The following TMCC3 variants were observed in gnomAD, a reference collection of about 807,000 sequenced individuals.
The protein encoded by TMCC3 is transmembrane and coiled-coil domain family 3, also known as transmembrane and coiled-coil domain protein 3.
A neutral mutation model predicts 40.2 loss-of-function variants in TMCC3; 28 were observed. That is an observed-to-expected ratio of 0.70 (90% CI 0.52 to 0.95). The LOEUF (loss-of-function observed/expected upper bound fraction) is 0.95, where lower values mean the gene tolerates loss of function less well. Among genes scored for constraint, TMCC3 ranks in the 40% least tolerant of loss-of-function variants. TMCC3 has a pLI of 0.00. For synonymous variants in TMCC3, 255 were observed against 248.5 expected (o/e 1.03, Z -0.25); for missense variants, 554 against 615.2 (o/e 0.90, Z 1.05).
At chr12:94,584,322 C>T (rs1238737804) in intron 1 of TMCC3, among the ~76,000 whole-genome samples, 1 of 152,152 alleles carries the variant, frequency 6.6e-6, no homozygotes, top group African/African-American at 2.4e-5. Flanking sequence ...GTGGGAAGTG[C>T]CTGCTCCCGC....
chr12:94,569,741 A>G lies in TMCC3; in HGVS notation c.*1694T>C, dbSNP rs2068515647. The G allele has an allele frequency of 6.6e-6, 1 of 152,136 alleles. No individual in the cohort carries two copies. Among genetic ancestry groups the G allele is most frequent in the Non-Finnish European group, 1.5e-5 (1 of 68,038 alleles). The allele number at this position is 152,136 out of a possible 1,614,324, so 9.4% of individuals were successfully genotyped here. ...ATTCCATTCTCTCAGACTATGGAAC[A>G]TTCTGTCACATTTTTTTCCTTCAGG... On this transcript the variant is annotated 3_prime_UTR_variant, in exon 4 of 4. Coordinates refer to ENST00000261226, the MANE Select transcript of TMCC3 (RefSeq NM_020698.4).
At chr12:94,611,264 A>G (rs1317847492) in intron 1 of TMCC3, among the ~76,000 whole-genome samples, 1 of 152,230 alleles carries the variant, frequency 6.6e-6, no homozygotes, top group African/African-American at 2.4e-5. Context: ...AGGTAGTTCT[A>G]AAACAAATTT....
chr12:94,598,261 A>G (rs943522721), intron 1 of TMCC3, among the ~76,000 whole-genome samples: 4 of 152,224 alleles, frequency 2.6e-5, no homozygotes, highest in Non-Finnish European at 4.4e-5. Context: ...GGAATATCCT[A>G]CCTTTTCTTG....
At chr12:94,638,494 A>G (rs2068972517) in intron 1 of TMCC3, among the ~76,000 whole-genome samples, 1 of 152,172 alleles carries the variant, frequency 6.6e-6, no homozygotes, top group Non-Finnish European at 1.5e-5. Context: ...TTCAACATGT[A>G]GGATGGAATG....
At chr12:94,637,017 T>C (rs1169557212) in intron 1 of TMCC3, among the ~76,000 whole-genome samples, 1 of 152,050 alleles carries the variant, frequency 6.6e-6, no homozygotes, top group Non-Finnish European at 1.5e-5. Flanking sequence ...GCTCAGTTTA[T>C]GGTACTTTGT....
intron 3 of TMCC3, among the ~76,000 whole-genome samples, chr12:94,574,342 C>G (rs1395384286): frequency 6.6e-6 from 1 of 151,336 alleles, no homozygotes; most frequent in Non-Finnish European, 1.5e-5. Flanking sequence ...GAGCCGAGAT[C>G]ACGCCACTAC....
intron 1 of TMCC3, among the ~76,000 whole-genome samples, chr12:94,632,322 C>T (rs2068937817): frequency 6.6e-6 from 1 of 152,184 alleles, no homozygotes; most frequent in South Asian, 2.1e-4. Flanking sequence ...AATATTGACA[C>T]ATTTGCTTTA....
intron 1 of TMCC3, among the ~76,000 whole-genome samples, chr12:94,646,881 G>A (rs1369065770): frequency 2.0e-5 from 3 of 152,024 alleles, no homozygotes; most frequent in Non-Finnish European, 4.4e-5. Context: ...TGGTCACCCA[G>A]TTAAGAAGCT....
chr12:94,578,564 T>A, intron 2 of TMCC3, 35 bp from the exon 3 acceptor site: 4 of 1,598,694 alleles, frequency 2.5e-6, no homozygotes, highest in Non-Finnish European at 3.4e-6. Context: ...CAGTGTGACC[T>A]TTCACAGCAC....
chr12:94,624,869 G>A lies in TMCC3; in HGVS notation c.78+25484C>T, dbSNP rs539498467. Among the ~76,000 whole-genome samples the A allele has an allele frequency of 1.5e-4, 23 of 152,106 alleles. No individual in the cohort carries two copies. The South Asian group carries it at 3.1e-3, about 21-fold the overall frequency. Reference sequence around the variant, plus strand: ...AAATGTTCGAAAATGGGCCAGGTGCGGTGGCTCATGCCTGTAATCCCAGCA... The same window carrying A: ...AAATGTTCGAAAATGGGCCAGGTGCAGTGGCTCATGCCTGTAATCCCAGCA... On this transcript the variant is annotated intron_variant, in intron 1 of 3. Coordinates refer to ENST00000261226, the MANE Select transcript of TMCC3 (RefSeq NM_020698.4).
intron 1 of TMCC3, among the ~76,000 whole-genome samples, chr12:94,639,702 C>T (rs1433245949): frequency 2.1e-5 from 3 of 146,068 alleles, no homozygotes; most frequent in Non-Finnish European, 4.5e-5. Flanking sequence ...CACACACACA[C>T]ACATTGAAAC....
chr12:94,585,822 C>G (rs2068635439), intron 1 of TMCC3, among the ~76,000 whole-genome samples: 1 of 152,228 alleles, frequency 6.6e-6, no homozygotes, highest in Non-Finnish European at 1.5e-5. Flanking sequence ...CACTTCCTGA[C>G]TCCTCCTTTG....
chr12:94,648,869 C>T (rs191048857), intron 1 of TMCC3, among the ~76,000 whole-genome samples: 277 of 152,330 alleles, frequency 1.8e-3, no homozygotes, highest in Non-Finnish European at 3.1e-3. Context: ...TTCAAGTCTG[C>T]AATATTAACT....
intron 1 of TMCC3, among the ~76,000 whole-genome samples, chr12:94,647,296 A>G (rs946920536): frequency 5.3e-5 from 8 of 152,226 alleles, no homozygotes; most frequent in Admixed American, 3.9e-4. Context: ...GGGGTTATCT[A>G]GGTCAGTCCA....
intron 1 of TMCC3, among the ~76,000 whole-genome samples, chr12:94,611,745 G>T (rs2068817065): frequency 6.8e-6 from 1 of 146,834 alleles, no homozygotes; most frequent in Non-Finnish European, 1.5e-5. Context: ...CTTGTAAATA[G>T]TTGTATTTTT....
At chr12:94,644,494 T>C (rs1029486148) in intron 1 of TMCC3, 1 of 955,844 alleles carries the variant, frequency 1.0e-6, no homozygotes, top group Non-Finnish European at 1.2e-6. Context: ...ACAGCGGATG[T>C]GACAGGCGGG....
chr12:94,641,733 G>A (rs2068991991), intron 1 of TMCC3, among the ~76,000 whole-genome samples: 1 of 152,098 alleles, frequency 6.6e-6, no homozygotes, highest in Non-Finnish European at 1.5e-5. Context: ...TTGGAGACCA[G>A]GGCAGACTTG....
intron 1 of TMCC3, among the ~76,000 whole-genome samples, chr12:94,649,428 C>T (rs1230465733): frequency 6.6e-6 from 1 of 152,246 alleles, no homozygotes; most frequent in Non-Finnish European, 1.5e-5. Flanking sequence ...CCCCAGTTCT[C>T]GGACAAGCGA....
chr12:94,589,386 G>C (rs950244635), intron 1 of TMCC3, among the ~76,000 whole-genome samples: 3 of 152,148 alleles, frequency 2.0e-5, no homozygotes, highest in African/African-American at 7.2e-5. Flanking sequence ...TCAGTGAGGG[G>C]ACCCAGGTTA....
Sources: allele counts gnomAD v4.1 joint callset (sites outside exome capture counted in the v4.1 genomes callset), GRCh38; gene constraint gnomAD v4.1.1; transcripts MANE v1.5; gene names NCBI Gene and HGNC (gene_info 2026-07-23, HGNC 2026-07-21).